The following UBE2V2 variants were observed in gnomAD, a reference collection of about 807,000 sequenced individuals.
The protein encoded by UBE2V2 is ubiquitin-conjugating enzyme E2 variant 2.
In UBE2V2, 9 loss-of-function variants were observed where a neutral mutation model predicts 17.2. That is an observed-to-expected ratio of 0.52 (90% confidence interval 0.32 to 0.91). The LOEUF (loss-of-function observed/expected upper bound fraction) is 0.91, where lower values mean the gene tolerates loss of function less well. UBE2V2 is among the 40% of genes least tolerant of loss of function. UBE2V2 has a pLI of 0.04. For missense variants in UBE2V2, 133 were observed against 182.6 expected, an observed-to-expected ratio of 0.73 and a Z score of 1.56; for synonymous variants, 61 against 57.5, an observed-to-expected ratio of 1.06 and a Z score of -0.28.
chr8:48,019,389 G>T (rs950026990), intron 1 of UBE2V2, among the ~76,000 whole-genome samples: 1 of 151,922 alleles, frequency 6.6e-6, no homozygotes, highest in South Asian at 2.1e-4. Flanking sequence ...AAAATTGGGC[G>T]TGGTGGTGGG....
intron 1 of UBE2V2, among the ~76,000 whole-genome samples, chr8:48,030,079 A>G (rs942217672): frequency 3.3e-5 from 5 of 152,216 alleles, no homozygotes; most frequent in Non-Finnish European, 5.9e-5. Flanking sequence ...TAGCTACCTC[A>G]CTGGAGAATG....
chr8:47,997,468 T>C, the UBE2V2 span, among the ~76,000 whole-genome samples: 3 of 152,134 alleles, frequency 2.0e-5, no homozygotes, highest in African/African-American at 7.2e-5. Flanking sequence ...GTCATCCGCA[T>C]GGGCCTGGGC....
intron 1 of UBE2V2, among the ~76,000 whole-genome samples, chr8:48,014,662 AAATG>A (rs1196601953): frequency 2.0e-5 from 3 of 151,414 alleles, no homozygotes; most frequent in Non-Finnish European, 4.4e-5. Flanking sequence ...AAAAAAAAAA[AAATG>A]TGCAGGAAAA....
At chr8:48,050,875 A>G (rs1468422967) in intron 3 of UBE2V2, among the ~76,000 whole-genome samples, 1 of 151,762 alleles carries the variant, frequency 6.6e-6, no homozygotes, top group Non-Finnish European at 1.5e-5. Context: ...ATCATTGTCT[A>G]TTTATTTTTG....
chr8:48,050,024 A>T, intron 3 of UBE2V2, 46 bp downstream of exon 3: 1 of 1,299,354 alleles, frequency 7.7e-7, no homozygotes, highest in Non-Finnish European at 1.0e-6. Context: ...TAATGTATAG[A>T]GTTATATATT....
chr8:48,019,751 G>A (rs1389794070), intron 1 of UBE2V2, among the ~76,000 whole-genome samples: 1 of 151,156 alleles, frequency 6.6e-6, no homozygotes, highest in African/African-American at 2.4e-5. Context: ...GGAGGTGGAG[G>A]CTGCAGTGAG....
intron 1 of UBE2V2, among the ~76,000 whole-genome samples, chr8:48,016,326 A>G (rs768404658): frequency 6.6e-6 from 1 of 152,218 alleles, no homozygotes; most frequent in South Asian, 2.1e-4. Flanking sequence ...CTATATATGC[A>G]GTAGCAGGAT....
chr8:48,040,924 G>A (rs1246632475), intron 1 of UBE2V2, among the ~76,000 whole-genome samples: 2 of 147,680 alleles, frequency 1.4e-5, no homozygotes, highest in Admixed American at 1.4e-4. Context: ...GAGTGCAGTG[G>A]TGCGATCTCG....
intron 1 of UBE2V2, among the ~76,000 whole-genome samples, chr8:48,027,863 T>A (rs1029952694): frequency 6.6e-6 from 1 of 152,218 alleles, no homozygotes; most frequent in African/African-American, 2.4e-5. Flanking sequence ...ATTCATTTTT[T>A]TTTTGTTTTT....
chr8:48,011,182 G>C (rs1316219781), intron 1 of UBE2V2, among the ~76,000 whole-genome samples: 1 of 151,960 alleles, frequency 6.6e-6, no homozygotes, highest in Non-Finnish European at 1.5e-5. Context: ...GCACGTGTTT[G>C]TTTGAAACGG....
intron 1 of UBE2V2, among the ~76,000 whole-genome samples, chr8:48,017,249 C>T (rs891581553): frequency 1.3e-5 from 2 of 151,966 alleles, no homozygotes; most frequent in Non-Finnish European, 2.9e-5. Flanking sequence ...CTATTCAGAT[C>T]TTTTACCCAT....
intron 1 of UBE2V2, 193 bp downstream of exon 1, chr8:48,008,663 G>C (rs1452024592): frequency 2.7e-5 from 19 of 703,420 alleles, no homozygotes; most frequent in Non-Finnish European, 3.2e-5. Context: ...CGGGTTGGCG[G>C]GTCGTGCTCG....
At chr8:48,010,883 T>A (rs1303647965) in intron 1 of UBE2V2, among the ~76,000 whole-genome samples, 4 of 148,982 alleles carry the variant, frequency 2.7e-5, no homozygotes, top group Non-Finnish European at 5.9e-5. Context: ...TATATATATA[T>A]TTTTTTTGTA....
At chr8:48,033,928 G>T (rs996684969) in intron 1 of UBE2V2, among the ~76,000 whole-genome samples, 1 of 152,046 alleles carries the variant, frequency 6.6e-6, no homozygotes, top group African/African-American at 2.4e-5. Flanking sequence ...CTGTGCTCTA[G>T]CCTGGGCAAT....
intron 3 of UBE2V2, among the ~76,000 whole-genome samples, chr8:48,050,850 C>T (rs1329759393): frequency 1.3e-5 from 2 of 152,070 alleles, no homozygotes; most frequent in South Asian, 2.1e-4. Context: ...TGTGTTGAAA[C>T]AGTCATGGCT....
chr8:48,043,114 G>A lies in UBE2V2; in HGVS notation c.98G>A (p.Trp33Ter). 6.2e-7 allele frequency: 1 copy of A among 1,601,496 alleles called. No individual in the cohort carries two copies. Among genetic ancestry groups the A allele is most frequent in the Non-Finnish European group, 8.5e-7 (1 of 1,172,514 alleles). ...QKGVGDGTVS[W>*]GLEDDEDMTL... ...GGAGTAGGCGACGGTACAGTTAGCT[G>A]GGGCCTTGAAGATGATGAAGATATG... is the stretch of plus-strand genomic sequence containing the variant. The change falls in exon 2 of 4, where the codon TGG becomes TAG. Residue 33 changes from tryptophan to a stop codon, truncating the protein, a stop_gained. Transcript: ENST00000523111. LOFTEE classifies it high-confidence loss of function.
At chr8:48,042,692 A>G (rs551991339) in intron 1 of UBE2V2, 1 of 164,632 alleles carries the variant, frequency 6.1e-6, no homozygotes, top group Non-Finnish European at 1.3e-5. Context: ...CTTTCTGGGC[A>G]TGCCTGTTTG....
intron 2 of UBE2V2, among the ~76,000 whole-genome samples, chr8:48,044,436 A>G (rs886076720): frequency 6.6e-6 from 1 of 152,236 alleles, no homozygotes; most frequent in Admixed American, 6.5e-5. Flanking sequence ...GGTGTGAGCC[A>G]CTGCACCCAG....
chr8:48,002,456 CACTT>C, the UBE2V2 span, among the ~76,000 whole-genome samples: 1 of 152,130 alleles, frequency 6.6e-6, no homozygotes. Context: ...TACATTATCT[CACTT>C]ACTTGTGGAA....
Sources: gnomAD v4.1 joint callset for allele counts (sites outside exome capture counted in the v4.1 genomes callset) on GRCh38, gnomAD v4.1.1 for gene constraint, MANE v1.5 for transcripts, NCBI Gene and HGNC (gene_info 2026-07-23, HGNC 2026-07-21) for gene names.